PPIP5K2: variants seen among roughly 807,000 people sequenced by gnomAD.
The protein encoded by PPIP5K2 is inositol hexakisphosphate and diphosphoinositol-pentakisphosphate kinase 2.
PPIP5K2 carries 105 observed loss-of-function variants against 154.6 expected under a neutral mutation model. The observed-to-expected ratio is 0.68, with a 90% CI of 0.58 to 0.80. PPIP5K2 has a LOEUF of 0.80. PPIP5K2 is among the 30% of genes least tolerant of loss of function. The pLI is 0.00. For synonymous variants in PPIP5K2, 480 were observed against 490.3 expected, an observed-to-expected ratio of 0.98 and a Z score of 0.28; for missense variants, 992 against 1,504.6, an observed-to-expected ratio of 0.66 and a Z score of 5.64.
At chr5:103,124,036 T>A (rs1789214962) in intron 1 of PPIP5K2, among the ~76,000 whole-genome samples, 1 of 152,122 alleles carries the variant, frequency 6.6e-6, no homozygotes, top group Non-Finnish European at 1.5e-5. Flanking sequence ...ATCCCAGCAC[T>A]TTGGGAGGCC....
intron 29 of PPIP5K2, among the ~76,000 whole-genome samples, chr5:103,191,806 AAG>A (rs782424412): frequency 2.6e-4 from 39 of 152,112 alleles, no homozygotes; most frequent in Non-Finnish European, 5.0e-4. Context: ...CCAGTTTAGA[AAG>A]AGTTAGTTTT....
At position 103,196,239 on chromosome 5, in the gene PPIP5K2, G is replaced by A. The variant is rs34106257; in HGVS notation, c.3619+1214G>A. Among the ~76,000 whole-genome samples the A allele has an allele frequency of 8.6e-4, 131 of 152,134 alleles. No homozygotes were observed. In the South Asian group the frequency reaches 9.9e-3, roughly 12 times the overall value. The stretch of plus-strand genomic sequence containing the variant: ...TCTTCCACTGATAATGTATTTATAT[G>A]ATTATCAAAACAAGAACTTCAATAA... On this transcript the variant is annotated intron_variant, in intron 30 of 30. Transcript: ENST00000358359.
In PPIP5K2 at chr5:103,187,492, T is replaced by C. The variant is rs1800582424; in HGVS notation, c.3352+116T>C. On this transcript the variant is annotated intron_variant, in intron 28 of 30. Coordinates refer to ENST00000358359, the MANE Select transcript of PPIP5K2 (RefSeq NM_001276277.3). ...TTCATTTCTTCATCCTTAATGTCAATTGGCGTACAATTCCAACTTGTTATT... is the reference window on the plus strand; with the variant it reads ...TTCATTTCTTCATCCTTAATGTCAACTGGCGTACAATTCCAACTTGTTATT... 21 of 787,860 alleles carry C rather than the reference T, an allele frequency of 2.7e-5. No homozygotes were observed. The South Asian group carries it at 4.0e-4, about 15-fold the overall frequency. 48.8% of individuals were successfully genotyped at this position (787,860 alleles called of 1,614,324 possible). A position where few individuals can be genotyped will look rare whatever the true frequency, so the allele number is the denominator to read the frequency against.
intron 27 of PPIP5K2, 132 bp downstream of exon 27, chr5:103,186,571 T>C: frequency 8.0e-7 from 1 of 1,251,958 alleles, no homozygotes; most frequent in Non-Finnish European, 1.1e-6. Flanking sequence ...CCTAAATGAC[T>C]ATCAGTGCTC....
intron 5 of PPIP5K2, among the ~76,000 whole-genome samples, chr5:103,139,074 G>A (rs558474019): frequency 2.6e-5 from 4 of 152,282 alleles, no homozygotes; most frequent in Admixed American, 2.6e-4. Flanking sequence ...ATGACAAGGG[G>A]CAACAGTACT....
chr5:103,124,226 G>A (rs578079786), intron 1 of PPIP5K2, among the ~76,000 whole-genome samples: 21 of 149,802 alleles, frequency 1.4e-4, no homozygotes, highest in African/African-American at 5.2e-4. Context: ...CTTGTAGTGA[G>A]CCGAGATCGT....
rs782704498 is a variant in PPIP5K2 at position 103,154,839 on chromosome 5, G to A, written c.1299G>A (p.Val433=). 6 of 1,583,516 alleles carry A rather than the reference G, an allele frequency of 3.8e-6. No individual in the cohort carries two copies. The highest frequency in any genetic ancestry group is 5.1e-6 in the Non-Finnish European group (6 of 1,168,860). ...TTTATTAATTTATTTTATAGGAAGT[G>A]CTAGATATTGCACGACAGCTTCTTA... ...KLKKPKQLQE[V]LDIARQLLME... is the part of the protein sequence containing the mutation. The change falls in exon 13 of 31, where the codon GTG becomes GTA. Residue 433 remains valine, a synonymous_variant. Transcript: ENST00000358359.
intron 8 of PPIP5K2, among the ~76,000 whole-genome samples, chr5:103,150,408 A>G (rs1794435333): frequency 6.6e-6 from 1 of 152,124 alleles, no homozygotes; most frequent in South Asian, 2.1e-4. Flanking sequence ...CCTTTTGGCC[A>G]TTTTCTTCAC....
chr5:103,150,544 T>G (rs193024825), intron 8 of PPIP5K2, among the ~76,000 whole-genome samples: 1 of 152,088 alleles, frequency 6.6e-6, no homozygotes, highest in African/African-American at 2.4e-5. Context: ...GGTGCTGAGG[T>G]AGGTGGATCA....
chr5:103,122,486 A>G (rs192426006), intron 1 of PPIP5K2, among the ~76,000 whole-genome samples: 68 of 152,328 alleles, frequency 4.5e-4, no homozygotes, highest in African/African-American at 1.5e-3. Context: ...CGTTTGAAGA[A>G]GGAAAAAGAA....
At chr5:103,120,778 C>G (rs1788530305) in intron 1 of PPIP5K2, 2 of 307,526 alleles carry the variant, frequency 6.5e-6, no homozygotes, top group Non-Finnish European at 1.3e-5. Flanking sequence ...AACCGCTGAG[C>G]TTCTACCCCA....
At chr5:103,152,576 C>A in intron 9 of PPIP5K2, 72 bp from the exon 10 acceptor site, 1 of 869,014 alleles carries the variant, frequency 1.2e-6, no homozygotes, top group Non-Finnish European at 1.9e-6. Context: ...ATGATTCTCT[C>A]TCATCCTCAT....
intron 25 of PPIP5K2, among the ~76,000 whole-genome samples, chr5:103,183,856 T>C (rs1554223979): frequency 2.0e-5 from 3 of 152,332 alleles, no homozygotes; most frequent in East Asian, 1.9e-4. Context: ...TTTTAAAATA[T>C]CAGAATTTAT....
intron 7 of PPIP5K2, among the ~76,000 whole-genome samples, 155 bp from the exon 8 acceptor site, chr5:103,148,997 G>A (rs1446825090): frequency 2.6e-5 from 4 of 152,018 alleles, no homozygotes; most frequent in Non-Finnish European, 5.9e-5. Flanking sequence ...CCAATGAACT[G>A]AAAATTTGGG....
intron 17 of PPIP5K2, among the ~76,000 whole-genome samples, chr5:103,163,086 G>GTTTTTTTT (rs35922283): frequency 1.3e-4 from 8 of 59,868 alleles, no homozygotes; most frequent in African/African-American, 1.8e-4. Flanking sequence ...TTCTTCAAGT[G>GTTTTTTTT]TTTTTTTTTT....
chr5:103,184,335 C>T (rs1554224120), intron 25 of PPIP5K2: 18 of 179,100 alleles, frequency 1.0e-4, no homozygotes. Flanking sequence ...GTTGTTTTTT[C>T]CCCCTTCAAA....
At chr5:103,150,982 A>G (rs2149565156) in intron 8 of PPIP5K2, among the ~76,000 whole-genome samples, 1 of 149,022 alleles carries the variant, frequency 6.7e-6, no homozygotes, top group Admixed American at 6.8e-5. Flanking sequence ...CAAATATATT[A>G]TTTTTGGGCC....
intron 23 of PPIP5K2, among the ~76,000 whole-genome samples, chr5:103,179,792 A>G (rs1338465403): frequency 1.1e-4 from 17 of 151,998 alleles, no homozygotes; most frequent in African/African-American, 4.1e-4. Flanking sequence ...TTACTGTTTA[A>G]TTTCTCCATA....
At chr5:103,178,890 GATTT>G (rs1554221788) in intron 23 of PPIP5K2, among the ~76,000 whole-genome samples, 2 of 151,476 alleles carry the variant, frequency 1.3e-5, no homozygotes, top group Non-Finnish European at 3.0e-5. Flanking sequence ...TGTCATAAAT[GATTT>G]ATTTATGATA....
Sources: allele counts gnomAD v4.1 joint callset (sites outside exome capture counted in the v4.1 genomes callset), GRCh38; gene constraint gnomAD v4.1.1; transcripts MANE v1.5; gene names NCBI Gene and HGNC (gene_info 2026-07-23, HGNC 2026-07-21).